Variants in CHST13 observed in about 807,000 individuals in gnomAD.
The protein encoded by CHST13 is carbohydrate sulfotransferase 13.
A neutral mutation model predicts 7.0 loss-of-function variants in CHST13; 1 was observed. That is an observed-to-expected ratio of 0.14 (90% confidence interval 0.05 to 0.68). The LOEUF is 0.68. Among genes scored for constraint, CHST13 ranks in the 30% least tolerant of loss-of-function variants. The probability of loss-of-function intolerance (pLI) is 0.82; values close to 1 mark genes in which losing one functional copy is unlikely to be tolerated. For synonymous variants in CHST13, 257 were observed against 240.9 expected, an observed-to-expected ratio of 1.07 and a Z score of -0.62; for missense variants, 572 against 507.9, an observed-to-expected ratio of 1.13 and a Z score of -1.21.
At chr3:126,529,396 A>G (rs1576746483) in intron 1 of CHST13, 1 of 1,289,110 alleles carries the variant, frequency 7.8e-7, no homozygotes, top group Non-Finnish European at 1.0e-6. Context: ...AAGGGGGGAC[A>G]GGTGTCAGGA....
Position 126,542,302 on chromosome 3 carries a change from G to A in CHST13, c.750G>A (p.Ala250=), listed in dbSNP as rs1936981080. 3 of 1,566,832 alleles carry A rather than the reference G, an allele frequency of 1.9e-6. No individual in the cohort carries two copies. The highest frequency in any genetic ancestry group is 1.8e-5 in the Admixed American group (1 of 56,344). Residue 250 remains alanine (A), a synonymous_variant, in exon 3 of 3, where the codon GCG becomes GCA. Transcript: ENST00000319340. ...CCTTCAACGAGCACTGGGAGCGCGC[G>A]CACGCGCTCTGCCACCCGTGTCGCC... is the stretch of plus-strand genomic sequence containing the variant. The part of the protein sequence containing the change: ...EEPFNEHWER[A]HALCHPCRLR...
rs562222002 is a variant in CHST13, at chr3:126,542,683, C to T, written c.*105C>T. ...CAGGACCCCTCTTCAAGAGCCACTGCGTGCACTCACCTGGCCGCCGGGCCA... is the reference window on the plus strand; with the variant it reads ...CAGGACCCCTCTTCAAGAGCCACTGTGTGCACTCACCTGGCCGCCGGGCCA... On this transcript the variant is annotated 3_prime_UTR_variant, in exon 3 of 3. Transcript: ENST00000319340. The T allele has an allele frequency of 3.2e-4, 440 of 1,357,514 alleles. 1 individual carries two copies. Among genetic ancestry groups the T allele is most frequent in the Non-Finnish European group, 3.6e-4 (384 of 1,053,752 alleles). 84.1% of individuals were successfully genotyped at this position (1,357,514 alleles called of 1,614,324 possible).
intron 1 of CHST13, among the ~76,000 whole-genome samples, chr3:126,535,099 T>TCCCTGTCCTCAGCTGGGAGACAGAC (rs1560139687): frequency 1.6e-4 from 1 of 6,406 alleles, no homozygotes; most frequent in South Asian, 5.0e-3. Flanking sequence ...GGGAGACAGA[T>TCCCTGTCCTCAGCTGGGAGACAGAC]AGACAGCATC....
Position 126,524,330 on chromosome 3 carries a change from AG to A in CHST13, c.-2del, listed in dbSNP as rs1244826552. The A allele has an allele frequency of 8.1e-7, 1 of 1,233,626 alleles. No homozygotes were observed. The highest frequency in any genetic ancestry group is 1.6e-5 in the African/African-American group (1 of 63,588). The allele number at this position is 1,233,626 out of a possible 1,614,324, so 76.4% of individuals were successfully genotyped here. ...CTGTCCTCCGCCGCGCGCCCGGCAC[AG>A]CATGGGGAGGCGCTGCTGCCGGCGG... On this transcript the variant is annotated 5_prime_UTR_variant, in exon 1 of 3. Transcript: ENST00000319340.
intron 2 of CHST13, among the ~76,000 whole-genome samples, chr3:126,538,870 G>C (rs752548595): frequency 1.4e-4 from 21 of 152,280 alleles, no homozygotes; most frequent in Admixed American, 3.9e-4. Context: ...AAAATGGTGA[G>C]ATTTTAAAAA....
chr3:126,540,345 G>C (rs1936932078), intron 2 of CHST13, among the ~76,000 whole-genome samples: 1 of 152,140 alleles, frequency 6.6e-6, no homozygotes. Flanking sequence ...CTCAAAAGCA[G>C]CCCAGTGTCA....
rs747651308 is a variant in CHST13 at position 126,542,477 on chromosome 3, C to G, written c.925C>G (p.Arg309Gly). The change falls in exon 3 of 3, where the codon CGG (arginine) becomes GGG (glycine). Residue 309 changes from arginine (R) to glycine (G), a missense_variant. By Grantham distance (125) the Arg-to-Gly change is moderately radical (BLOSUM62 -2). Transcript: ENST00000319340. ...ASRDLAARLF[R>G]DISPFYQRRL... Reference sequence around the variant, plus strand: ...CCGCGACCTGGCAGCGCGCCTCTTCCGGGACATCAGCCCCTTCTACCAGCG... The same window carrying G: ...CCGCGACCTGGCAGCGCGCCTCTTCGGGGACATCAGCCCCTTCTACCAGCG... 5 of 1,582,604 alleles carry G rather than the reference C, an allele frequency of 3.2e-6. No individual in the cohort carries two copies. Among genetic ancestry groups the G allele is most frequent in the Non-Finnish European group, 4.3e-6 (5 of 1,167,566 alleles).
chr3:126,528,521 G>A (rs970607239), intron 1 of CHST13, among the ~76,000 whole-genome samples: 1 of 152,178 alleles, frequency 6.6e-6, no homozygotes, highest in Non-Finnish European at 1.5e-5. Flanking sequence ...TGGGTTTAGA[G>A]ATCACCAAGG....
Position 126,541,966 on chromosome 3 carries a change from C to T in CHST13, c.414C>T (p.Ile138=). 1.9e-6 allele frequency: 3 copies of T among 1,584,532 alleles called. No individual in the cohort carries two copies. In the South Asian group the frequency reaches 3.4e-5, roughly 18 times the overall value. The change falls in exon 3 of 3, where the codon ATC becomes ATT. Residue 138 remains isoleucine, a synonymous_variant. Transcript: ENST00000319340. ...SGQARGDPRA[I]SAQEAHAPGR... is the part of the protein sequence containing the mutation. ...AAGCCCGCGGCGACCCGCGCGCCAT[C>T]TCCGCGCAAGAGGCGCACGCGCCTG...
chr3:126,524,288 C>G lies in CHST13; in HGVS notation c.-45C>G. 8.2e-7 allele frequency: 1 copy of G among 1,217,898 alleles called. No homozygotes were observed. Among genetic ancestry groups the G allele is most frequent in the South Asian group, 3.7e-5 (1 of 27,396 alleles). 75.4% of individuals were successfully genotyped at this position (1,217,898 alleles called of 1,614,324 possible). The stretch of plus-strand genomic sequence containing the variant: ...TCCTGGGCCAGTGCAACTCCGCCCC[C>G]AGCCGTATCCAGCGGACTGTCCTCC... On this transcript the variant is annotated 5_prime_UTR_variant, in exon 1 of 3. Transcript: ENST00000319340.
Position 126,524,292 on chromosome 3 carries a change from C to T in CHST13, c.-41C>T. 21 of 1,220,964 alleles carry T rather than the reference C, an allele frequency of 1.7e-5. No individual in the cohort carries two copies. The highest frequency in any genetic ancestry group is 2.1e-5 in the Non-Finnish European group (21 of 979,748). 75.6% of individuals were successfully genotyped at this position (1,220,964 alleles called of 1,614,324 possible). A position where few individuals can be genotyped will look rare whatever the true frequency, so the allele number is the denominator to read the frequency against. On this transcript the variant is annotated 5_prime_UTR_variant, in exon 1 of 3. Coordinates refer to ENST00000319340, the MANE Select transcript of CHST13 (RefSeq NM_152889.3). ...GGGCCAGTGCAACTCCGCCCCCAGC[C>T]GTATCCAGCGGACTGTCCTCCGCCG... is the stretch of plus-strand genomic sequence containing the variant.
chr3:126,536,338 C>T lies in CHST13; in HGVS notation c.165C>T (p.Leu55=), dbSNP rs1433935671. 6.2e-7 allele frequency: 1 copy of T among 1,613,882 alleles called. No individual in the cohort carries two copies. The highest frequency in any genetic ancestry group is 2.2e-5 in the East Asian group (1 of 44,874). Residue 55 remains leucine, a synonymous_variant, in exon 2 of 3, where the codon CTC becomes CTT. Coordinates refer to ENST00000319340, the MANE Select transcript of CHST13 (RefSeq NM_152889.3). ...GGEKRSPLQK[L]YDLDQDPRST... Reference sequence around the variant, plus strand: ...AGAAGAGAAGCCCCCTGCAGAAGCTCTATGACCTGGATCAGGTAGGTGGAC... The same window carrying T: ...AGAAGAGAAGCCCCCTGCAGAAGCTTTATGACCTGGATCAGGTAGGTGGAC...
intron 1 of CHST13, among the ~76,000 whole-genome samples, chr3:126,530,947 A>G (rs1231951980): frequency 6.6e-6 from 1 of 152,238 alleles, no homozygotes; most frequent in Non-Finnish European, 1.5e-5. Flanking sequence ...TGAGGCAGGC[A>G]GGGGGCAGCA....
At chr3:126,528,710 G>A (rs1390187427) in intron 1 of CHST13, among the ~76,000 whole-genome samples, 1 of 152,152 alleles carries the variant, frequency 6.6e-6, no homozygotes, top group Non-Finnish European at 1.5e-5. Context: ...TGGGCAGACT[G>A]GGGTTCCATT....
At position 126,541,763 on chromosome 3, in the gene CHST13, C is replaced by A. The variant is rs777682935; in HGVS notation, c.211C>A (p.Arg71=). ...GCGCTCGACCCTGGCGAAGGTGCAC[C>A]GGCAGCGGCGCGACCTGCTGAACAG... ...DPRSTLAKVH[R]QRRDLLNSAC... is the part of the protein sequence containing the mutation. Residue 71 remains arginine, a synonymous_variant, in exon 3 of 3, where the codon CGG becomes AGG. Transcript: ENST00000319340. The A allele has an allele frequency of 2.6e-6, 4 of 1,510,938 alleles. No individual in the cohort carries two copies. In the South Asian group the frequency reaches 5.0e-5, roughly 19 times the overall value. The allele number at this position is 1,510,938 out of a possible 1,614,324, so 93.6% of individuals were successfully genotyped here.
chr3:126,540,454 C>T (rs144946835), intron 2 of CHST13, among the ~76,000 whole-genome samples: 92 of 152,306 alleles, frequency 6.0e-4, no homozygotes, highest in African/African-American at 2.2e-3. Context: ...GATGTGACTG[C>T]TCTAGGGACC....
Position 126,542,628 on chromosome 3 carries a change from A to C in CHST13, c.*50A>C. The C allele has an allele frequency of 7.1e-7, 1 of 1,411,480 alleles. No homozygotes were observed. Among genetic ancestry groups the C allele is most frequent in the South Asian group, 1.6e-5 (1 of 61,882 alleles). The allele number at this position is 1,411,480 out of a possible 1,614,324, so 87.4% of individuals were successfully genotyped here. On this transcript the variant is annotated 3_prime_UTR_variant, in exon 3 of 3. Coordinates refer to ENST00000319340, the MANE Select transcript of CHST13 (RefSeq NM_152889.3). Reference sequence around the variant, plus strand: ...GCGGGGCAAGTGCCTTTCCGACAAGACCCCCGGGGAATGCAGGTGCTGCCG... The same window carrying C: ...GCGGGGCAAGTGCCTTTCCGACAAGCCCCCCGGGGAATGCAGGTGCTGCCG...
rs1936493230 is a variant in CHST13, at chr3:126,524,362, G to A, written c.30G>A (p.Val10=). 8.1e-7 allele frequency: 1 copy of A among 1,236,122 alleles called. No homozygotes were observed. The highest frequency in any genetic ancestry group is 1.0e-6 in the Non-Finnish European group (1 of 990,042). 76.6% of individuals were successfully genotyped at this position (1,236,122 alleles called of 1,614,324 possible). Residue 10 remains valine, a synonymous_variant, in exon 1 of 3, where the codon GTG becomes GTA. Coordinates refer to ENST00000319340, the MANE Select transcript of CHST13 (RefSeq NM_152889.3). MGRRCCRRR[V]LAAACLGAAL... is the part of the protein sequence containing the mutation. ...GGAGGCGCTGCTGCCGGCGGCGCGTGCTGGCGGCCGCCTGTCTGGGCGCCG... is the reference window on the plus strand; with the variant it reads ...GGAGGCGCTGCTGCCGGCGGCGCGTACTGGCGGCCGCCTGTCTGGGCGCCG...
At chr3:126,527,026 C>T (rs929951125) in intron 1 of CHST13, 2 of 152,212 alleles carry the variant, frequency 1.3e-5, no homozygotes, top group African/African-American at 4.8e-5. Flanking sequence ...AATATGAAAA[C>T]CCAAGATCTC....
Sources: gnomAD v4.1 joint callset for allele counts (sites outside exome capture counted in the v4.1 genomes callset) on GRCh38, gnomAD v4.1.1 for gene constraint, MANE v1.5 for transcripts, NCBI Gene and HGNC (gene_info 2026-07-23, HGNC 2026-07-21) for gene names.